Variants in PCDHGA1 observed in about 807,000 individuals in gnomAD.
The protein encoded by PCDHGA1 is protocadherin gamma-A1.
In PCDHGA1, 32 loss-of-function variants were observed where a neutral mutation model predicts 58.0. The observed-to-expected ratio is 0.55, with a 90% CI of 0.42 to 0.74. The LOEUF is 0.74. Ranked by LOEUF, PCDHGA1 falls within the 30% of genes least tolerant of loss-of-function variation. The probability of loss-of-function intolerance (pLI) is 0.00; values close to 1 mark genes in which losing one functional copy is unlikely to be tolerated. For synonymous variants in PCDHGA1, 498 were observed against 501.1 expected, an observed-to-expected ratio of 0.99 and a Z score of 0.08; for missense variants, 1,205 against 1,182.3, an observed-to-expected ratio of 1.02 and a Z score of -0.28.
chr5:141,375,702 C>T, intron 1 of PCDHGA1: 2 of 1,614,242 alleles, frequency 1.2e-6, no homozygotes, highest in Non-Finnish European at 1.7e-6. Flanking sequence ...AGCGGGGACC[C>T]GCCTCTTAGC....
chr5:141,410,466 G>T (rs536543649), intron 1 of PCDHGA1: 2 of 1,613,908 alleles, frequency 1.2e-6, no homozygotes, highest in South Asian at 1.1e-5. Context: ...TATAATCTGT[G>T]CATTGCACAT....
chr5:141,492,386 G>C (rs1343104703), intron 1 of PCDHGA1, among the ~76,000 whole-genome samples: 1 of 152,202 alleles, frequency 6.6e-6, no homozygotes, highest in African/African-American at 2.4e-5. Context: ...GCCTGTTCCG[G>C]TCCACTCGCA....
chr5:141,413,812 C>G (rs761118146), intron 1 of PCDHGA1: 3 of 1,613,144 alleles, frequency 1.9e-6, no homozygotes, highest in Non-Finnish European at 1.7e-6. Context: ...GGCCATTCAC[C>G]ACCTGGTCCT....
At chr5:141,371,869 T>C (rs1159672282) in intron 1 of PCDHGA1, 2 of 1,613,426 alleles carry the variant, frequency 1.2e-6, no homozygotes, top group African/African-American at 1.3e-5. Flanking sequence ...TACTACATCG[T>C]GGCCAGTGAC....
chr5:141,432,642 C>T lies in PCDHGA1; in HGVS notation c.2422-62165C>T, dbSNP rs746251093. 7.4e-6 allele frequency: 12 copies of T among 1,613,784 alleles called. No individual in the cohort carries two copies. The highest frequency in any genetic ancestry group is 2.7e-5 in the African/African-American group (2 of 75,056). ...GGTCTGCACACGGGCGAGGTGCGCA[C>T]GGCGCGAGCCCTGCTGGACAGAGAC... On this transcript the variant is annotated intron_variant, in intron 1 of 3. Coordinates refer to ENST00000517417, the MANE Select transcript of PCDHGA1 (RefSeq NM_018912.3). This position sits in a 1 kb window ranked among gnomAD's most constrained non-coding sequence, Gnocchi z 6.0.
chr5:141,509,350 G>C (rs2099876432), intron 3 of PCDHGA1, among the ~76,000 whole-genome samples: 5 of 152,142 alleles, frequency 3.3e-5, no homozygotes. Flanking sequence ...GGGCTGGCCT[G>C]GGCATCCCTG....
At chr5:141,374,350 G>C (rs2150038987) in intron 1 of PCDHGA1, 1 of 1,614,038 alleles carries the variant, frequency 6.2e-7, no homozygotes, top group Non-Finnish European at 8.5e-7. Context: ...CCGCGGGTAG[G>C]ATAGACCGCG....
At chr5:141,347,279 G>A (rs759302173) in intron 1 of PCDHGA1, among the ~76,000 whole-genome samples, 9 of 151,622 alleles carry the variant, frequency 5.9e-5, no homozygotes, top group Non-Finnish European at 1.0e-4. Context: ...TCAGCCTCCC[G>A]AGTAGCTGGG....
chr5:141,475,867 G>A (rs2099377217), intron 1 of PCDHGA1: 1 of 504,884 alleles, frequency 2.0e-6, no homozygotes, highest in Non-Finnish European at 3.5e-6. Flanking sequence ...CTCATTCTTC[G>A]TGCAGTTATT....
chr5:141,410,155 G>T, intron 1 of PCDHGA1: 1 of 1,612,898 alleles, frequency 6.2e-7, no homozygotes. Context: ...ACGGTGGACA[G>T]CCGCCACTCT....
At chr5:141,362,681 T>A in intron 1 of PCDHGA1, 1 of 1,158,954 alleles carries the variant, frequency 8.6e-7, no homozygotes, top group Non-Finnish European at 1.2e-6. Flanking sequence ...TTAATTGTCT[T>A]AATCTTATCT....
At chr5:141,481,070 A>G (rs2099531062) in intron 1 of PCDHGA1, among the ~76,000 whole-genome samples, 1 of 152,144 alleles carries the variant, frequency 6.6e-6, no homozygotes, top group South Asian at 2.1e-4. Context: ...AAACAAAAAG[A>G]AAGAAAGAAA....
In PCDHGA1 at chr5:141,511,925, G is replaced by C. The variant is rs2099884008; in HGVS notation, c.*752G>C. 1 of 155,320 alleles carries C rather than the reference G, an allele frequency of 6.4e-6. No homozygotes were observed. Among genetic ancestry groups the C allele is most frequent in the Admixed American group, 6.3e-5 (1 of 15,924 alleles). 9.6% of individuals were successfully genotyped at this position (155,320 alleles called of 1,614,324 possible). A position where few individuals can be genotyped will look rare whatever the true frequency, so the allele number is the denominator to read the frequency against. ...CCTCAAACAAGAGACTCCACTGCAT[G>C]TTCCAAGACAGTATGGGGTGGTAAG... On this transcript the variant is annotated 3_prime_UTR_variant, in exon 4 of 4. Coordinates refer to ENST00000517417, the MANE Select transcript of PCDHGA1 (RefSeq NM_018912.3).
At chr5:141,400,233 C>A (rs373858401) in intron 1 of PCDHGA1, 2 of 1,613,988 alleles carry the variant, frequency 1.2e-6, no homozygotes, top group African/African-American at 1.3e-5. Flanking sequence ...TCCTCCTGGC[C>A]GTGATTCTGG....
At chr5:141,351,694 A>G in intron 1 of PCDHGA1, 3 of 1,613,918 alleles carry the variant, frequency 1.9e-6, no homozygotes, top group Non-Finnish European at 2.5e-6. Context: ...CGGATTTGGG[A>G]CCCAACGGCA....
At position 141,330,750 on chromosome 5, in the gene PCDHGA1, G is replaced by A. The variant is rs1756321022; in HGVS notation, c.66G>A (p.Leu22=). Residue 22 remains leucine (L), a synonymous_variant, in exon 1 of 4, where the codon CTG becomes CTA. Coordinates refer to ENST00000517417, the MANE Select transcript of PCDHGA1 (RefSeq NM_018912.3). ...TGCTTCTGTGTCTTTCTCTGGAGCT[G>A]CTGTTGGAAGCTGGGGCTGGGAATA... is the stretch of plus-strand genomic sequence containing the variant. ...RLMLLCLSLE[L]LLEAGAGNIH... 3 of 1,614,042 alleles carry A rather than the reference G, an allele frequency of 1.9e-6. No individual in the cohort carries two copies. In the African/African-American group the frequency reaches 4.0e-5, roughly 22 times the overall value.
intron 1 of PCDHGA1, chr5:141,405,303 G>C: frequency 1.2e-6 from 2 of 1,614,230 alleles, no homozygotes; most frequent in African/African-American, 1.3e-5. Context: ...AGCCAGCAGA[G>C]CTGTGAGAAA....
At chr5:141,388,969 C>A (rs1392290138) in intron 1 of PCDHGA1, 1 of 1,613,882 alleles carries the variant, frequency 6.2e-7, no homozygotes, top group Non-Finnish European at 8.5e-7. Context: ...GAGCTGGGAA[C>A]ACATATTGCT....
intron 1 of PCDHGA1, among the ~76,000 whole-genome samples, chr5:141,492,409 C>A (rs1367119266): frequency 6.6e-6 from 1 of 152,230 alleles, no homozygotes; most frequent in Non-Finnish European, 1.5e-5. Flanking sequence ...TCCCCTCTGC[C>A]GCTCCCTCCG....
Sources: gnomAD v4.1 joint callset for allele counts (sites outside exome capture counted in the v4.1 genomes callset) on GRCh38, gnomAD v4.1.1 for gene constraint, Gnocchi (gnomAD v3.1) non-coding constraint, MANE v1.5 for transcripts, NCBI Gene and HGNC (gene_info 2026-07-23, HGNC 2026-07-21) for gene names.